NDST4: variants seen among roughly 807,000 people sequenced by gnomAD.
NDST4 encodes the protein N-heparan sulfate sulfotransferase 4.
In NDST4, 63 loss-of-function variants were observed where a neutral mutation model predicts 100.8. That is an observed-to-expected ratio of 0.62 (90% CI 0.51 to 0.77). NDST4 has a LOEUF of 0.77. Among genes scored for constraint, NDST4 ranks in the 30% least tolerant of loss-of-function variants. The probability of loss-of-function intolerance (pLI) is 0.00; values close to 1 mark genes in which losing one functional copy is unlikely to be tolerated. For missense variants in NDST4, 943 were observed against 1,018.4 expected (o/e 0.93, Z 1.01); for synonymous variants, 377 against 361.8 (o/e 1.04, Z -0.48).
intron 1 of NDST4, among the ~76,000 whole-genome samples, chr4:115,102,637 A>G (rs1250388545): frequency 2.6e-5 from 4 of 151,814 alleles, no homozygotes; most frequent in Non-Finnish European, 5.9e-5. Context: ...TATCAGATGT[A>G]ACAAAAGATT....
intron 9 of NDST4, among the ~76,000 whole-genome samples, chr4:114,847,239 A>C (rs1218504601): frequency 7.1e-6 from 1 of 140,380 alleles, no homozygotes; most frequent in Non-Finnish European, 1.5e-5. Context: ...AGCCGGGCGT[A>C]GTGGCGGGCG....
At chr4:114,934,093 T>C (rs548702458) in intron 6 of NDST4, among the ~76,000 whole-genome samples, 56 of 152,344 alleles carry the variant, frequency 3.7e-4, no homozygotes, top group Non-Finnish European at 6.2e-4. Context: ...TCAATCTATG[T>C]GTCAATTGAC....
intron 2 of NDST4, among the ~76,000 whole-genome samples, chr4:114,980,405 G>A (rs1429351802): frequency 6.6e-6 from 1 of 152,160 alleles, no homozygotes; most frequent in Non-Finnish European, 1.5e-5. Context: ...ACTTTGGGAC[G>A]CCGAGGCAGG....
At chr4:114,859,298 G>C (rs1723867369) in intron 7 of NDST4, among the ~76,000 whole-genome samples, 1 of 152,116 alleles carries the variant, frequency 6.6e-6, no homozygotes, top group Non-Finnish European at 1.5e-5. Context: ...ACAAAGGTGG[G>C]GGAAATACAG....
chr4:115,055,375 A>G (rs536435611), intron 2 of NDST4, among the ~76,000 whole-genome samples: 1 of 152,274 alleles, frequency 6.6e-6, no homozygotes, highest in East Asian at 1.9e-4. Flanking sequence ...ATTGCCTTCC[A>G]TGAAACTGGT....
intron 2 of NDST4, among the ~76,000 whole-genome samples, chr4:115,002,438 T>C (rs1259380268): frequency 6.6e-6 from 1 of 152,232 alleles, no homozygotes; most frequent in Non-Finnish European, 1.5e-5. Flanking sequence ...TCTCCCATTC[T>C]GTAGGTTGCC....
At chr4:114,911,142 T>TA (rs80188708) in intron 6 of NDST4, among the ~76,000 whole-genome samples, 45,374 of 151,972 alleles carry the variant, frequency 0.3, 9,077 homozygotes, top group African/African-American at 0.57. Flanking sequence ...AAGAACACAT[T>TA]AAAAAATATA....
chr4:114,923,472 T>C (rs975115878), intron 6 of NDST4, among the ~76,000 whole-genome samples: 2 of 152,108 alleles, frequency 1.3e-5, no homozygotes, highest in Non-Finnish European at 2.9e-5. Flanking sequence ...ATCTAGCATT[T>C]TGAACCCTTC....
intron 1 of NDST4, among the ~76,000 whole-genome samples, chr4:115,094,120 TAAAAG>T (rs1343971154): frequency 6.6e-6 from 1 of 151,792 alleles, no homozygotes; most frequent in Non-Finnish European, 1.5e-5. Flanking sequence ...GTTAAAAAAA[TAAAAG>T]AAAATTATTA....
chr4:114,831,077 G>A (rs943899781), intron 12 of NDST4, among the ~76,000 whole-genome samples: 66 of 150,390 alleles, frequency 4.4e-4, no homozygotes, highest in African/African-American at 1.6e-3. Flanking sequence ...ACGGAGTCTC[G>A]CTCTGTCGCC....
intron 7 of NDST4, among the ~76,000 whole-genome samples, chr4:114,862,228 C>A (rs1272456764): frequency 6.6e-6 from 1 of 152,158 alleles, no homozygotes; most frequent in African/African-American, 2.4e-5. Context: ...AAAACTCCTA[C>A]AACACACCAT....
At chr4:114,970,279 C>G in intron 4 of NDST4, 151 bp downstream of exon 4, 1 of 584,342 alleles carries the variant, frequency 1.7e-6, no homozygotes, top group Middle Eastern at 4.9e-4. Flanking sequence ...CAAAATATCA[C>G]AAAGTTATAT....
chr4:114,885,247 T>A (rs1724453967), intron 6 of NDST4, among the ~76,000 whole-genome samples: 1 of 152,160 alleles, frequency 6.6e-6, no homozygotes, highest in South Asian at 2.1e-4. Flanking sequence ...CCATCCTTGG[T>A]TATCTGTCAC....
chr4:115,068,632 C>A (rs1223098421), intron 2 of NDST4, among the ~76,000 whole-genome samples: 3 of 127,318 alleles, frequency 2.4e-5, no homozygotes, highest in Non-Finnish European at 4.9e-5. Flanking sequence ...CACGGTGAAA[C>A]CCCATCTCCA....
Position 114,935,350 on chromosome 4 carries a change from GA to G in NDST4, c.1408-17del. ...GAGGGAGGACCTGAGTAAAAAAGGG[GA>G]AAAACAGCACATGGACGTGATTTAA... On this transcript the variant is annotated splice_polypyrimidine_tract_variant and intron_variant, in intron 5 of 13. Coordinates refer to ENST00000264363, the MANE Select transcript of NDST4 (RefSeq NM_022569.3). 3.9e-6 allele frequency: 6 copies of G among 1,543,546 alleles called. No individual in the cohort carries two copies. Among genetic ancestry groups the G allele is most frequent in the East Asian group, 2.4e-5 (1 of 41,248 alleles).
intron 6 of NDST4, among the ~76,000 whole-genome samples, chr4:114,915,642 A>C (rs1229567894): frequency 6.6e-6 from 1 of 152,188 alleles, no homozygotes. Context: ...GTGCTTTTCT[A>C]AATACAAGTT....
chr4:114,998,564 G>T (rs1307623532), intron 2 of NDST4, among the ~76,000 whole-genome samples: 2 of 152,014 alleles, frequency 1.3e-5, no homozygotes, highest in Non-Finnish European at 2.9e-5. Context: ...AGAATTAAAA[G>T]CAGTCTCATA....
chr4:115,058,030 T>C (rs986761905), intron 2 of NDST4, among the ~76,000 whole-genome samples: 16 of 152,136 alleles, frequency 1.1e-4, no homozygotes, highest in Non-Finnish European at 1.9e-4. Context: ...GAAGTCAACA[T>C]AGAAAATGCA....
chr4:115,034,137 G>C (rs1728181749), intron 2 of NDST4, among the ~76,000 whole-genome samples: 1 of 152,062 alleles, frequency 6.6e-6, no homozygotes, highest in African/African-American at 2.4e-5. Flanking sequence ...CTCGGATCCT[G>C]CTTATTCTTG....
Sources: gnomAD v4.1 joint callset for allele counts (sites outside exome capture counted in the v4.1 genomes callset) on GRCh38, gnomAD v4.1.1 for gene constraint, MANE v1.5 for transcripts, NCBI Gene and HGNC (gene_info 2026-07-23, HGNC 2026-07-21) for gene names.